The following SPTB variants were observed in gnomAD, a reference collection of about 807,000 sequenced individuals.
SPTB encodes spectrin beta chain, erythrocytic.
In SPTB, 45 loss-of-function variants were observed where a neutral mutation model predicts 256.2. The observed-to-expected ratio is 0.18, with a 90% CI of 0.14 to 0.23. SPTB has a LOEUF of 0.23. SPTB is among the 10% of genes least tolerant of loss of function. SPTB has a pLI of 1.00. For missense variants in SPTB, 2,715 were observed against 3,040.4 expected (o/e 0.89, Z 2.52); for synonymous variants, 1,231 against 1,243.1 (o/e 0.99, Z 0.21).
At chr14:64,863,660 T>C (rs1237542925) in intron 1 of SPTB, among the ~76,000 whole-genome samples, 1 of 152,242 alleles carries the variant, frequency 6.6e-6, no homozygotes. Context: ...TGGTCCTCCA[T>C]GTCATTGCTG....
At position 64,762,539 on chromosome 14, in the gene SPTB, C is replaced by G. The variant is rs1232795435; in HGVS notation, c.6345+4187G>C. Among the ~76,000 whole-genome samples the G allele has an allele frequency of 2.0e-5, 3 of 152,322 alleles. No homozygotes were observed. In the East Asian group the frequency reaches 5.8e-4, roughly 29 times the overall value. On this transcript the variant is annotated intron_variant, in intron 32 of 35. Coordinates refer to ENST00000644917, the MANE Select transcript of SPTB (RefSeq NM_001355436.2). ...CAGTGCCTGCTCAGCGCCTCACGTTCGTAAGTGCTGGTTACTTCCCTGAAG... is the reference window on the plus strand; with the variant it reads ...CAGTGCCTGCTCAGCGCCTCACGTTGGTAAGTGCTGGTTACTTCCCTGAAG...
In SPTB at chr14:64,803,771, T is replaced by G; in HGVS notation, c.310A>C (p.Thr104Pro). The change falls in exon 4 of 36, where the codon ACC (threonine) becomes CCC (proline). Residue 104 changes from threonine (T) to proline (P), a missense_variant. This residue lies in a region of SPTB where 416 missense variants were observed against 571.1 expected (regional missense o/e 0.73). Coordinates refer to ENST00000644917, the MANE Select transcript of SPTB (RefSeq NM_001355436.2). Reference protein sequence around the residue: ...VLSGEMLPKPTKGKMRIHCLE... With the variant: ...VLSGEMLPKPPKGKMRIHCLE... ...CAGTGGATGCGCATCTTCCCCTTGG[T>G]GGGCTTTGGCTGGGGGACAGCAGTG... is the stretch of plus-strand genomic sequence containing the variant. 1 of 1,611,160 alleles carries G rather than the reference T, an allele frequency of 6.2e-7. No homozygotes were observed. The highest frequency in any genetic ancestry group is 1.1e-5 in the South Asian group (1 of 90,700).
intron 19 of SPTB, among the ~76,000 whole-genome samples, chr14:64,782,871 A>C (rs184299977): frequency 6.6e-6 from 1 of 151,434 alleles, no homozygotes; most frequent in Non-Finnish European, 1.5e-5. Context: ...ACCACCACAG[A>C]TAAGGAAAAG....
At chr14:64,797,299 G>A (rs971319702) in intron 10 of SPTB, among the ~76,000 whole-genome samples, 2 of 151,654 alleles carry the variant, frequency 1.3e-5, no homozygotes. Context: ...GCCAGACTCT[G>A]TCTCTATAAA....
intron 33 of SPTB, 58 bp downstream of exon 33, chr14:64,753,477 CAG>C (rs2081979203): frequency 6.8e-6 from 11 of 1,610,330 alleles, no homozygotes; most frequent in Non-Finnish European, 9.3e-6. Flanking sequence ...GCTCTGCTAG[CAG>C]AGAGATCCCT....
chr14:64,779,981 C>T lies in SPTB; in HGVS notation c.4267-50G>A. 1.3e-6 allele frequency: 2 copies of T among 1,500,422 alleles called. No individual in the cohort carries two copies. The highest frequency in any genetic ancestry group is 1.9e-6 in the Non-Finnish European group (2 of 1,077,506). 92.9% of individuals were successfully genotyped at this position (1,500,422 alleles called of 1,614,324 possible). On this transcript the variant is annotated intron_variant, in intron 20 of 35. Transcript: ENST00000644917. This position sits in a 1 kb window ranked among gnomAD's most constrained non-coding sequence, Gnocchi z 4.2. ...GCACCAGCCTTGGCACCTGCACAGC[C>T]CCTCCATCTTCTTCATTCATCTGCA...
At position 64,791,784 on chromosome 14, in the gene SPTB, G is replaced by C. The variant is rs775663450; in HGVS notation, c.2739C>G (p.Ser913Arg). The C allele has an allele frequency of 6.2e-7, 1 of 1,614,126 alleles. No homozygotes were observed. The highest frequency in any genetic ancestry group is 1.1e-5 in the South Asian group (1 of 91,072). ...QIDGVNLAANSLVESGHPRSR... is the reference protein window; with the variant it reads ...QIDGVNLAANRLVESGHPRSR... ...TGCGTGGGTGGCCACTCTCTACCAAGCTGTTGGCAGCGAGGTTCACACCAT... is the reference window on the plus strand; with the variant it reads ...TGCGTGGGTGGCCACTCTCTACCAACCTGTTGGCAGCGAGGTTCACACCAT... The change falls in exon 15 of 36, where the codon AGC (serine) becomes AGG (arginine). Residue 913 changes from serine (S) to arginine (R), a missense_variant. Transcript: ENST00000644917.
In SPTB at chr14:64,823,217, C is replaced by A; in HGVS notation, c.-51-72G>T. The A allele has an allele frequency of 8.5e-7, 1 of 1,183,114 alleles. No homozygotes were observed. The highest frequency in any genetic ancestry group is 1.2e-6 in the Non-Finnish European group (1 of 808,080). 73.3% of individuals were successfully genotyped at this position (1,183,114 alleles called of 1,614,324 possible). On this transcript the variant is annotated intron_variant, in intron 1 of 35. Transcript: ENST00000644917. The surrounding 1 kb of genome is among the most constrained non-coding windows in gnomAD (Gnocchi z 6.5). ...GACTTTTTCTCCGGGGAAACTTATTCGGAGCATCCAACGTGAGTAGATCCT... is the reference window on the plus strand; with the variant it reads ...GACTTTTTCTCCGGGGAAACTTATTAGGAGCATCCAACGTGAGTAGATCCT...
At chr14:64,859,700 C>G (rs999223393) in intron 1 of SPTB, among the ~76,000 whole-genome samples, 18 of 15,838 alleles carry the variant, frequency 1.1e-3, no homozygotes, top group African/African-American at 3.6e-3. Context: ...CTCTGTCTCT[C>G]TCTCTCTCTC....
chr14:64,803,351 C>A (rs1045094411), intron 4 of SPTB, among the ~76,000 whole-genome samples: 1 of 152,162 alleles, frequency 6.6e-6, no homozygotes, highest in African/African-American at 2.4e-5. Context: ...CAGATATCAA[C>A]CCAGCTACCA....
intron 1 of SPTB, among the ~76,000 whole-genome samples, chr14:64,846,352 G>A (rs1189576968): frequency 1.3e-5 from 2 of 152,236 alleles, no homozygotes; most frequent in Non-Finnish European, 2.9e-5. Flanking sequence ...TATATAGGCT[G>A]CATATACAAG....
chr14:64,823,100 C>T lies in SPTB; in HGVS notation c.-6G>A. Reference sequence around the variant, plus strand: ...AACTCTGTGGCCGATGTCATGTCAGCAGGCTCTTAGCAGCTCCGCCTGCCT... The same window carrying T: ...AACTCTGTGGCCGATGTCATGTCAGTAGGCTCTTAGCAGCTCCGCCTGCCT... On this transcript the variant is annotated 5_prime_UTR_variant, in exon 2 of 36. Coordinates refer to ENST00000644917, the MANE Select transcript of SPTB (RefSeq NM_001355436.2). The surrounding 1 kb of genome is among the most constrained non-coding windows in gnomAD (Gnocchi z 6.5). The T allele has an allele frequency of 1.2e-6, 2 of 1,614,170 alleles. No individual in the cohort carries two copies. Among genetic ancestry groups the T allele is most frequent in the Non-Finnish European group, 1.7e-6 (2 of 1,180,026 alleles).
chr14:64,765,807 TGTGTGTGTGTGTGA>T lies in SPTB; in HGVS notation c.6345+905_6345+918del, dbSNP rs1487486282. Among the ~76,000 whole-genome samples the T allele has an allele frequency of 1.4e-4, 20 of 142,546 alleles. 1 individual carries two copies. The highest frequency in any genetic ancestry group is 3.3e-4 in the African/African-American group (12 of 36,410). 93.5% of individuals were successfully genotyped at this position (142,546 alleles called of 152,430 possible). On this transcript the variant is annotated intron_variant, in intron 32 of 35. Transcript: ENST00000644917. ...GGATGGGACAGCTGAGTGATTGGGGTGTGTGTGTGTGTGAGTGTGTGTGTGTGTGGGGGTGTGGT... is the reference window on the plus strand; with the variant it reads ...GGATGGGACAGCTGAGTGATTGGGGTGTGTGTGTGTGTGTGGGGGTGTGGT...
chr14:64,767,178 T>C (rs1384989234), intron 31 of SPTB, 125 bp downstream of exon 31: 5 of 1,277,556 alleles, frequency 3.9e-6, no homozygotes, highest in Non-Finnish European at 5.6e-6. Context: ...TGGGCCTTCC[T>C]GACGAGGGTG....
chr14:64,753,715 T>C lies in SPTB; in HGVS notation c.6424A>G (p.Thr2142Ala). The C allele has an allele frequency of 6.2e-7, 1 of 1,613,804 alleles. No homozygotes were observed. ...PGQHKDGQKS[T>A]GDERPTTEPL... ...TCCGTGGTGGGCCTCTCATCCCCAG[T>C]GGATTTCTGCCCATCCTTGTGCTGA... Residue 2142 changes from threonine (T) to alanine (A), a missense_variant, in exon 33 of 36, where the codon ACT (threonine) becomes GCT (alanine). Thr to Ala is a moderately conservative substitution (Grantham distance 58). Coordinates refer to ENST00000644917, the MANE Select transcript of SPTB (RefSeq NM_001355436.2).
chr14:64,846,003 T>C (rs188098423), intron 1 of SPTB, among the ~76,000 whole-genome samples: 1 of 152,316 alleles, frequency 6.6e-6, no homozygotes, highest in East Asian at 1.9e-4. Context: ...AAATCACCAG[T>C]GTGAAGCACT....
chr14:64,804,855 G>T, intron 3 of SPTB, 84 bp downstream of exon 3: 2 of 1,571,226 alleles, frequency 1.3e-6, no homozygotes, highest in South Asian at 1.1e-5. Context: ...GGAAGGCCAG[G>T]AGAACTTGAG....
chr14:64,854,063 G>A (rs1199892913), intron 1 of SPTB, among the ~76,000 whole-genome samples: 1 of 151,598 alleles, frequency 6.6e-6, no homozygotes, highest in African/African-American at 2.4e-5. Flanking sequence ...ATGGTGGCAG[G>A]TGACTGTAAT....
In SPTB at chr14:64,749,396, G is replaced by C. The variant is rs746873092; in HGVS notation, c.6897C>G (p.Ser2299Arg). The C allele has an allele frequency of 3.7e-6, 6 of 1,609,334 alleles. No homozygotes were observed. Among genetic ancestry groups the C allele is most frequent in the Non-Finnish European group, 3.4e-6 (4 of 1,179,766 alleles). ...GGCCGGAGAGGGAAGGCAGGGGCAG[G>C]CTCTGCGCCTTGACGCGGATGCTCT... ...ESQSIRVKAQ[S>R]LPLPSLSGPD... is the part of the protein sequence containing the mutation. The change falls in exon 36 of 36, where the codon AGC (serine) becomes AGG (arginine). Residue 2299 changes from serine (S) to arginine (R), a missense_variant. Physicochemically the swap from Ser to Arg is moderately radical, Grantham distance 110. This residue lies in a region of SPTB where 2,239 missense variants were observed against 2,384.4 expected (regional missense o/e 0.94). Transcript: ENST00000644917. The surrounding 1 kb of genome is among the most constrained non-coding windows in gnomAD (Gnocchi z 4.7).
Sources: allele counts gnomAD v4.1 joint callset (sites outside exome capture counted in the v4.1 genomes callset), GRCh38; gene constraint gnomAD v4.1.1; regional missense constraint gnomAD v4.1.1; non-coding constraint Gnocchi (gnomAD v3.1); transcripts MANE v1.5; gene names NCBI Gene and HGNC (gene_info 2026-07-23, HGNC 2026-07-21).